KCNIP4: variants seen among roughly 807,000 people sequenced by gnomAD.
The protein encoded by KCNIP4 is potassium voltage-gated channel interacting protein 4.
KCNIP4 carries 12 observed loss-of-function variants against 34.0 expected under a neutral mutation model. The ratio of observed to expected loss-of-function variants is 0.35; its 90% confidence interval spans 0.23 to 0.57. The LOEUF is 0.57. KCNIP4 is among the 20% of genes least tolerant of loss of function. KCNIP4 has a pLI of 0.83. For synonymous variants in KCNIP4, 124 were observed against 102.2 expected (o/e 1.21, Z -1.29); for missense variants, 238 against 311.7 (o/e 0.76, Z 1.78).
At chr4:21,377,241 T>C (rs1211795933) in intron 1 of KCNIP4, among the ~76,000 whole-genome samples, 2 of 152,176 alleles carry the variant, frequency 1.3e-5, no homozygotes, top group Non-Finnish European at 1.5e-5. Context: ...GAGCTAGAGC[T>C]TCCATGGTAA....
chr4:20,921,400 G>T (rs756539967), intron 1 of KCNIP4, among the ~76,000 whole-genome samples: 2 of 152,182 alleles, frequency 1.3e-5, no homozygotes, highest in Non-Finnish European at 2.9e-5. Context: ...AGTACTTTCA[G>T]ATATATTTTC....
chr4:20,998,780 G>A (rs562980085), intron 1 of KCNIP4, among the ~76,000 whole-genome samples: 237 of 152,376 alleles, frequency 1.6e-3, no homozygotes, highest in African/African-American at 5.4e-3. Context: ...CCAAATGGAG[G>A]ATGACTCAAT....
At chr4:20,994,367 G>A (rs1737351145) in intron 1 of KCNIP4, among the ~76,000 whole-genome samples, 1 of 152,336 alleles carries the variant, frequency 6.6e-6, no homozygotes, top group East Asian at 1.9e-4. Context: ...GCATGTGAGT[G>A]TGAGAATGAG....
intron 1 of KCNIP4, among the ~76,000 whole-genome samples, chr4:21,397,895 A>G (rs1156242936): frequency 6.6e-6 from 1 of 152,154 alleles, no homozygotes; most frequent in Non-Finnish European, 1.5e-5. Flanking sequence ...TAAAAATGAC[A>G]TGTTATTCTA....
chr4:20,931,513 T>C (rs1045756131), intron 1 of KCNIP4, among the ~76,000 whole-genome samples: 1 of 152,118 alleles, frequency 6.6e-6, no homozygotes, highest in Non-Finnish European at 1.5e-5. Flanking sequence ...ACCTGAACAG[T>C]GTATTACTGT....
chr4:20,834,275 G>T (rs1416665913), intron 3 of KCNIP4, among the ~76,000 whole-genome samples: 1 of 152,182 alleles, frequency 6.6e-6, no homozygotes, highest in African/African-American at 2.4e-5. Flanking sequence ...AGAGGGCTCA[G>T]TGGGGTGTCT....
intron 1 of KCNIP4, among the ~76,000 whole-genome samples, chr4:20,980,419 G>A (rs1735954248): frequency 6.6e-6 from 1 of 152,154 alleles, no homozygotes; most frequent in African/African-American, 2.4e-5. Context: ...AATCACACTG[G>A]TTGTTTTGAT....
intron 3 of KCNIP4, among the ~76,000 whole-genome samples, chr4:20,797,602 A>G (rs541560291): frequency 3.3e-5 from 5 of 152,344 alleles, no homozygotes; most frequent in African/African-American, 7.2e-5. Context: ...GACCTTTAAA[A>G]GTAGAGCATT....
intron 1 of KCNIP4, among the ~76,000 whole-genome samples, chr4:21,033,441 T>C (rs1272897840): frequency 6.6e-6 from 1 of 152,220 alleles, no homozygotes; most frequent in Non-Finnish European, 1.5e-5. Context: ...CTCAGCCCTT[T>C]AGGGATAAAA....
chr4:21,381,833 T>C (rs1449353209), intron 1 of KCNIP4, among the ~76,000 whole-genome samples: 2 of 152,130 alleles, frequency 1.3e-5, no homozygotes, highest in South Asian at 2.1e-4. Context: ...AAGTATTAAA[T>C]TGTGAGACGC....
At chr4:21,352,452 A>T (rs1319981459) in intron 1 of KCNIP4, among the ~76,000 whole-genome samples, 2 of 152,230 alleles carry the variant, frequency 1.3e-5, no homozygotes, top group African/African-American at 2.4e-5. Context: ...CAGTCTTAGC[A>T]ACTGGCAGAC....
intron 1 of KCNIP4, among the ~76,000 whole-genome samples, chr4:20,928,586 C>A (rs946818400): frequency 6.6e-6 from 1 of 151,406 alleles, no homozygotes; most frequent in African/African-American, 2.4e-5. Flanking sequence ...GCAAACTAAA[C>A]CCAAAGTTAG....
chr4:21,680,252 T>C (rs1364779618), intron 1 of KCNIP4, among the ~76,000 whole-genome samples: 1 of 152,242 alleles, frequency 6.6e-6, no homozygotes, highest in African/African-American at 2.4e-5. Context: ...AACCACTTTC[T>C]TTACTCACCC....
At chr4:21,368,980 G>A (rs887474684) in intron 1 of KCNIP4, among the ~76,000 whole-genome samples, 1 of 146,642 alleles carries the variant, frequency 6.8e-6, no homozygotes, top group Non-Finnish European at 1.5e-5. Context: ...CCATTCATTT[G>A]TCAATCCATC....
intron 1 of KCNIP4, among the ~76,000 whole-genome samples, chr4:21,601,134 GGCTTCCTA>G (rs1743108106): frequency 6.6e-6 from 1 of 150,816 alleles, no homozygotes; most frequent in Non-Finnish European, 1.5e-5. Context: ...GTTCTATCTG[GGCTTCCTA>G]GCACCAATCT....
chr4:21,753,620 T>G (rs955611807), intron 1 of KCNIP4, among the ~76,000 whole-genome samples: 2 of 152,188 alleles, frequency 1.3e-5, no homozygotes, highest in African/African-American at 4.8e-5. Context: ...TGGCAGCTCA[T>G]GCAGGTTAAA....
chr4:20,849,075 C>G (rs995751066), intron 3 of KCNIP4, among the ~76,000 whole-genome samples: 1 of 152,170 alleles, frequency 6.6e-6, no homozygotes. Flanking sequence ...TACTCATCCT[C>G]TTTCCTGGTT....
At chr4:20,853,169 G>A (rs7686520) in intron 2 of KCNIP4, among the ~76,000 whole-genome samples, 50,680 of 151,720 alleles carry the variant, frequency 0.33, 9,368 homozygotes, top group Admixed American at 0.44. Context: ...GAGCCCGCAT[G>A]GCCTCATAGA....
intron 1 of KCNIP4, among the ~76,000 whole-genome samples, chr4:20,898,408 T>C (rs1174937413): frequency 6.6e-6 from 1 of 152,218 alleles, no homozygotes; most frequent in Admixed American, 6.5e-5. Flanking sequence ...CATGACTTAT[T>C]GTCCAACCTG....
Sources: gnomAD v4.1 joint callset for allele counts (sites outside exome capture counted in the v4.1 genomes callset) on GRCh38, gnomAD v4.1.1 for gene constraint, MANE v1.5 for transcripts, NCBI Gene and HGNC (gene_info 2026-07-23, HGNC 2026-07-21) for gene names.